Variants in ZNF385B observed in about 807,000 individuals in gnomAD.
ZNF385B encodes zinc finger protein 385B.
ZNF385B carries 23 observed loss-of-function variants against 39.2 expected under a neutral mutation model. The observed-to-expected ratio is 0.59, with a 90% CI of 0.42 to 0.83. The LOEUF (loss-of-function observed/expected upper bound fraction) is 0.83. Among genes scored for constraint, ZNF385B ranks in the 40% least tolerant of loss-of-function variants. ZNF385B has a pLI of 0.00. For synonymous variants in ZNF385B, 205 were observed against 222.6 expected (o/e 0.92, Z 0.70); for missense variants, 552 against 598.9 (o/e 0.92, Z 0.82).
At chr2:179,568,516 A>C (rs572495981) in intron 3 of ZNF385B, among the ~76,000 whole-genome samples, 3 of 152,332 alleles carry the variant, frequency 2.0e-5, no homozygotes, top group African/African-American at 7.2e-5. Flanking sequence ...TTTTAGCATC[A>C]AATAGTTTCA....
chr2:179,487,999 A>G (rs6708300), intron 5 of ZNF385B, among the ~76,000 whole-genome samples: 40,581 of 152,134 alleles, frequency 0.27, 5,586 homozygotes, highest in East Asian at 0.39. Context: ...ACTTTCTCAA[A>G]TCCTCTGAAT....
At chr2:179,630,220 T>A (rs531418028) in intron 3 of ZNF385B, among the ~76,000 whole-genome samples, 2 of 152,178 alleles carry the variant, frequency 1.3e-5, no homozygotes, top group Admixed American at 6.5e-5. Context: ...CTCAAATGGG[T>A]CCCTGACTCC....
chr2:179,686,825 G>C (rs1266758467), intron 3 of ZNF385B, among the ~76,000 whole-genome samples: 1 of 152,008 alleles, frequency 6.6e-6, no homozygotes, highest in Non-Finnish European at 1.5e-5. Flanking sequence ...TTGAAATTTT[G>C]TTTAGAAATA....
At chr2:179,819,962 T>A (rs940372731) in intron 1 of ZNF385B, among the ~76,000 whole-genome samples, 3 of 152,264 alleles carry the variant, frequency 2.0e-5, no homozygotes, top group South Asian at 2.1e-4. Flanking sequence ...TAGCACATTT[T>A]AAAAAAATGT....
At chr2:179,740,873 TGA>T (rs988301223) in intron 3 of ZNF385B, among the ~76,000 whole-genome samples, 6 of 152,050 alleles carry the variant, frequency 3.9e-5, no homozygotes, top group African/African-American at 1.4e-4. Context: ...AAAAATATCT[TGA>T]GAGATTTAAA....
At chr2:179,828,285 T>C (rs1186100708) in intron 1 of ZNF385B, among the ~76,000 whole-genome samples, 1 of 152,096 alleles carries the variant, frequency 6.6e-6, no homozygotes, top group Middle Eastern at 3.2e-3. Context: ...TAATGATATG[T>C]GGGAAACTAT....
chr2:179,792,365 A>ATTTTTTTTTTT (rs66980141), intron 1 of ZNF385B, among the ~76,000 whole-genome samples: 2 of 120,620 alleles, frequency 1.7e-5, no homozygotes, highest in Admixed American at 9.4e-5. Context: ...AGGCCATTTC[A>ATTTTTTTTTTT]TTTTCTTTTC....
At chr2:179,644,886 G>C (rs942795532) in intron 3 of ZNF385B, among the ~76,000 whole-genome samples, 2 of 152,138 alleles carry the variant, frequency 1.3e-5, no homozygotes, top group Admixed American at 6.6e-5. Context: ...CTGTCTTACA[G>C]TCCCATTTTA....
chr2:179,459,841 C>T lies in ZNF385B; in HGVS notation c.716-13071G>A, dbSNP rs552479906. 2.9e-3 allele frequency among the ~76,000 whole-genome samples: 437 copies of T among 151,478 alleles called. 2 individuals carry two copies. The highest frequency in any genetic ancestry group is 9.8e-3 in the African/African-American group (408 of 41,454). On this transcript the variant is annotated intron_variant, in intron 6 of 9. Coordinates refer to ENST00000410066, the MANE Select transcript of ZNF385B (RefSeq NM_152520.6). ...TATAGCGGCCAGGCGTGGTGGCTCA[C>T]GCCTGTAATCCCAGCACTTTGGGAA... is the stretch of plus-strand genomic sequence containing the variant.
At position 179,548,935 on chromosome 2, in the gene ZNF385B, A is replaced by G. The variant is rs75641588; in HGVS notation, c.299-3966T>C. On this transcript the variant is annotated intron_variant, in intron 3 of 9. Transcript: ENST00000410066. ...AACATTTTCATGACATCTAAGGGAA[A>G]CTTATCCGTTAGCAGTCACTCCCCA... Among the ~76,000 whole-genome samples the G allele has an allele frequency of 1.9e-4, 29 of 149,526 alleles. No individual in the cohort carries two copies. The East Asian group carries it at 5.6e-3, about 29-fold the overall frequency.
At chr2:179,766,091 A>G (rs1703677141) in intron 3 of ZNF385B, among the ~76,000 whole-genome samples, 1 of 147,648 alleles carries the variant, frequency 6.8e-6, no homozygotes, top group Admixed American at 6.7e-5. Context: ...GGTACACTCT[A>G]AGAATCTTCC....
At chr2:179,583,524 G>C (rs1322254219) in intron 3 of ZNF385B, among the ~76,000 whole-genome samples, 1 of 152,078 alleles carries the variant, frequency 6.6e-6, no homozygotes, top group Non-Finnish European at 1.5e-5. Context: ...AGATTAGTGA[G>C]GCTAAGATTC....
chr2:179,761,044 A>G (rs191457191), intron 3 of ZNF385B, among the ~76,000 whole-genome samples: 501 of 152,182 alleles, frequency 3.3e-3, no homozygotes, highest in Middle Eastern at 0.014. Context: ...CAAAAAATCA[A>G]TTGAGTATGT....
At chr2:179,751,854 C>A (rs1287310438) in intron 3 of ZNF385B, among the ~76,000 whole-genome samples, 1 of 152,098 alleles carries the variant, frequency 6.6e-6, no homozygotes, top group Non-Finnish European at 1.5e-5. Flanking sequence ...TCTTCTCCCC[C>A]ATCCAAAATG....
chr2:179,755,888 T>G (rs1702983162), intron 3 of ZNF385B, among the ~76,000 whole-genome samples: 1 of 152,212 alleles, frequency 6.6e-6, no homozygotes, highest in Non-Finnish European at 1.5e-5. Context: ...CTTTATCCAA[T>G]TTGCTAGTCT....
chr2:179,530,140 T>G (rs888199784), intron 4 of ZNF385B, among the ~76,000 whole-genome samples: 6 of 152,164 alleles, frequency 3.9e-5, no homozygotes, highest in African/African-American at 1.2e-4. Context: ...TAAAAGACAG[T>G]AAACAGTTTT....
intron 5 of ZNF385B, among the ~76,000 whole-genome samples, chr2:179,515,669 G>T (rs1277950057): frequency 6.6e-6 from 1 of 152,012 alleles, no homozygotes; most frequent in Admixed American, 6.6e-5. Context: ...TAGTAAAATT[G>T]TAGTTTAATA....
intron 3 of ZNF385B, among the ~76,000 whole-genome samples, chr2:179,693,101 C>G (rs911200119): frequency 8.5e-5 from 13 of 152,210 alleles, no homozygotes; most frequent in Non-Finnish European, 1.9e-4. Context: ...CAACTCTAGT[C>G]AGGCACAATT....
intron 1 of ZNF385B, among the ~76,000 whole-genome samples, chr2:179,842,970 C>T (rs1870875): frequency 2.0e-5 from 3 of 152,166 alleles, no homozygotes; most frequent in African/African-American, 4.8e-5. Flanking sequence ...TTTGCCAAAG[C>T]TAGGGATATA....
Sources: allele counts gnomAD v4.1 joint callset (sites outside exome capture counted in the v4.1 genomes callset), GRCh38; gene constraint gnomAD v4.1.1; transcripts MANE v1.5; gene names NCBI Gene and HGNC (gene_info 2026-07-23, HGNC 2026-07-21).